Variants in LIN7A observed in about 807,000 individuals in gnomAD.
LIN7A encodes the protein protein lin-7 homolog A.
A neutral mutation model predicts 29.8 loss-of-function variants in LIN7A; 25 were observed. The ratio of observed to expected loss-of-function variants is 0.84; its 90% CI spans 0.61 to 1.17. The LOEUF (loss-of-function observed/expected upper bound fraction) is 1.17. Among genes scored for constraint, LIN7A ranks in the 50% most tolerant of loss-of-function variants. The probability of loss-of-function intolerance (pLI) is 0.00; values close to 1 mark genes in which losing one functional copy is unlikely to be tolerated. For synonymous variants in LIN7A, 118 were observed against 107.5 expected (o/e 1.10, Z -0.60); for missense variants, 239 against 287.0 (o/e 0.83, Z 1.21).
At chr12:80,905,102 A>T (rs556420448) in intron 1 of LIN7A, among the ~76,000 whole-genome samples, 2 of 152,226 alleles carry the variant, frequency 1.3e-5, no homozygotes, top group South Asian at 2.1e-4. Flanking sequence ...ATCTAGTGAC[A>T]TCTCATATAG....
At position 80,937,755 on chromosome 12, in the gene LIN7A, A is replaced by C. The variant is rs1466159944; in HGVS notation, c.-33T>G. 3.3e-5 allele frequency: 15 copies of C among 448,796 alleles called. No homozygotes were observed. The highest frequency in any genetic ancestry group is 4.6e-5 in the Non-Finnish European group (15 of 328,160). The allele number at this position is 448,796 out of a possible 1,614,324, so 27.8% of individuals were successfully genotyped here. ...CGCTCGTAGTGAGAAAAAAAGGAGG[A>C]GATTGGGGGCGGGGGTGGAGAGGGA... is the stretch of plus-strand genomic sequence containing the variant. On this transcript the variant is annotated 5_prime_UTR_variant, in exon 1 of 6. Coordinates refer to ENST00000552864, the MANE Select transcript of LIN7A (RefSeq NM_004664.4).
chr12:80,926,560 T>C (rs1365933888), intron 1 of LIN7A, among the ~76,000 whole-genome samples: 4 of 152,222 alleles, frequency 2.6e-5, no homozygotes, highest in Admixed American at 1.3e-4. Context: ...ACAGTTTCTA[T>C]TTAATATTTT....
At chr12:80,818,218 G>A (rs973918481) in intron 4 of LIN7A, among the ~76,000 whole-genome samples, 3 of 152,048 alleles carry the variant, frequency 2.0e-5, no homozygotes, top group African/African-American at 7.3e-5. Context: ...GAGTGCAGTG[G>A]CCGGATCTTG....
At chr12:80,914,308 C>A (rs1876920564) in intron 1 of LIN7A, among the ~76,000 whole-genome samples, 1 of 152,244 alleles carries the variant, frequency 6.6e-6, no homozygotes, top group East Asian at 1.9e-4. Context: ...TAAAGAAACA[C>A]CTTCAATTTT....
intron 5 of LIN7A, among the ~76,000 whole-genome samples, chr12:80,799,688 TAGAA>T (rs1286548029): frequency 6.6e-6 from 1 of 152,132 alleles, no homozygotes; most frequent in Non-Finnish European, 1.5e-5. Flanking sequence ...CTTAGGAAAC[TAGAA>T]AAAGGGCAAA....
chr12:80,876,400 C>G (rs1160716851), intron 2 of LIN7A, among the ~76,000 whole-genome samples: 4 of 151,670 alleles, frequency 2.6e-5, no homozygotes, highest in African/African-American at 9.7e-5. Context: ...GTGAGATACC[C>G]AAAAAGCATA....
At chr12:80,803,879 C>T (rs2121494116) in intron 5 of LIN7A, among the ~76,000 whole-genome samples, 1 of 152,018 alleles carries the variant, frequency 6.6e-6, no homozygotes, top group East Asian at 1.9e-4. Context: ...AGACTGAATC[C>T]CCAGACAGTT....
chr12:80,801,115 A>G (rs938838621), intron 5 of LIN7A, among the ~76,000 whole-genome samples: 1 of 148,782 alleles, frequency 6.7e-6, no homozygotes, highest in Non-Finnish European at 1.5e-5. Context: ...TAGAAATAAC[A>G]TTTCTGGAGA....
chr12:80,922,001 C>T (rs1406610659), intron 1 of LIN7A, among the ~76,000 whole-genome samples: 2 of 152,172 alleles, frequency 1.3e-5, no homozygotes, highest in African/African-American at 2.4e-5. Context: ...ATTCTACTGC[C>T]TTATTTGTTT....
chr12:80,872,175 A>C (rs1874458386), intron 2 of LIN7A, among the ~76,000 whole-genome samples: 1 of 152,130 alleles, frequency 6.6e-6, no homozygotes, highest in Non-Finnish European at 1.5e-5. Context: ...GATTAAATCA[A>C]CATTTTAAGT....
At chr12:80,841,151 C>T (rs532037750) in intron 4 of LIN7A, among the ~76,000 whole-genome samples, 1 of 152,166 alleles carries the variant, frequency 6.6e-6, no homozygotes, top group East Asian at 1.9e-4. Flanking sequence ...GGTTGCTCTT[C>T]TCTGGGTGAG....
At chr12:80,897,936 G>A (rs1345206631) in intron 1 of LIN7A, among the ~76,000 whole-genome samples, 3 of 152,126 alleles carry the variant, frequency 2.0e-5, no homozygotes, top group African/African-American at 7.2e-5. Context: ...TGTTTACTGT[G>A]TTGATAGTTT....
Position 80,807,063 on chromosome 12 carries a change from GT to G in LIN7A, c.*4401del, listed in dbSNP as rs71094991. On this transcript the variant is annotated intron_variant, in intron 5 of 5. Coordinates refer to ENST00000552864, the MANE Select transcript of LIN7A (RefSeq NM_004664.4). The stretch of plus-strand genomic sequence containing the variant: ...CCATAGGAAATTTAATGAAGATGGA[GT>G]TTTTTTTTTTTTTTTTTTTTTTTTT... Among the ~76,000 whole-genome samples the G allele has an allele frequency of 6.3e-3, 337 of 53,558 alleles. 4 individuals are homozygous for G. Among genetic ancestry groups the G allele is most frequent in the African/African-American group, 0.022 (254 of 11,526 alleles). 35.1% of individuals were successfully genotyped at this position (53,558 alleles called of 152,430 possible). A position where few individuals can be genotyped will look rare whatever the true frequency, so the allele number is the denominator to read the frequency against.
chr12:80,870,190 C>T (rs912969307), intron 2 of LIN7A, among the ~76,000 whole-genome samples: 8 of 151,998 alleles, frequency 5.3e-5, no homozygotes, highest in Non-Finnish European at 7.4e-5. Context: ...AATCTTGTTC[C>T]ATCATTATCA....
chr12:80,917,095 G>T (rs1480330076), intron 1 of LIN7A, among the ~76,000 whole-genome samples: 2 of 152,154 alleles, frequency 1.3e-5, no homozygotes, highest in African/African-American at 4.8e-5. Flanking sequence ...AATACTTCTA[G>T]GGAGGTGACA....
In LIN7A at chr12:80,807,071, T is replaced by TTGTTTTTTTTTTTTG. The variant is rs1254557516; in HGVS notation, c.*4393_*4394insCAAAAAAAAAAAACA. On this transcript the variant is annotated intron_variant, in intron 5 of 5. Coordinates refer to ENST00000552864, the MANE Select transcript of LIN7A (RefSeq NM_004664.4). Reference sequence around the variant, plus strand: ...AATTTAATGAAGATGGAGTTTTTTTTTTTTTTTTTTTTTTTTTTTTGACGG... The same window carrying TTGTTTTTTTTTTTTG: ...AATTTAATGAAGATGGAGTTTTTTTTTGTTTTTTTTTTTTGTTTTTTTTTTTTTTTTTTTTGACGG... 2.1e-4 allele frequency among the ~76,000 whole-genome samples: 23 copies of TTGTTTTTTTTTTTTG among 111,880 alleles called. 1 individual carries two copies. The highest frequency in any genetic ancestry group is 7.5e-4 in the African/African-American group (18 of 24,076). 73.4% of individuals were successfully genotyped at this position (111,880 alleles called of 152,430 possible).
At chr12:80,805,338 G>T (rs1369184951) in intron 5 of LIN7A, among the ~76,000 whole-genome samples, 1 of 152,152 alleles carries the variant, frequency 6.6e-6, no homozygotes, top group African/African-American at 2.4e-5. Context: ...TCAGGATCAT[G>T]CATGTGGTAA....
chr12:80,896,420 C>T (rs1252335454), intron 1 of LIN7A, among the ~76,000 whole-genome samples: 10 of 152,158 alleles, frequency 6.6e-5, no homozygotes, highest in Admixed American at 5.2e-4. Context: ...TCTAATACAA[C>T]GACAGTGCAT....
intron 1 of LIN7A, among the ~76,000 whole-genome samples, chr12:80,925,849 A>G (rs1877554068): frequency 1.3e-5 from 2 of 152,178 alleles, no homozygotes; most frequent in Admixed American, 1.3e-4. Flanking sequence ...TTTGCTGTCC[A>G]TTATCTCATT....
Sources: gnomAD v4.1 joint callset for allele counts (sites outside exome capture counted in the v4.1 genomes callset) on GRCh38, gnomAD v4.1.1 for gene constraint, MANE v1.5 for transcripts, NCBI Gene and HGNC (gene_info 2026-07-23, HGNC 2026-07-21) for gene names.